The following MAGI2 variants were observed in gnomAD, a reference collection of about 807,000 sequenced individuals.
MAGI2 encodes membrane-associated guanylate kinase, WW and PDZ domain-containing protein 2.
In MAGI2, 35 loss-of-function variants were observed where a neutral mutation model predicts 133.3. That is an observed-to-expected ratio of 0.26 (90% CI 0.20 to 0.35). The LOEUF (loss-of-function observed/expected upper bound fraction) is 0.35. MAGI2 is among the 10% of genes least tolerant of loss of function. MAGI2 has a pLI of 1.00. For synonymous variants in MAGI2, 729 were observed against 710.6 expected, an observed-to-expected ratio of 1.03 and a Z score of -0.41; for missense variants, 1,636 against 1,863.4, an observed-to-expected ratio of 0.88 and a Z score of 2.25.
At chr7:79,132,628 A>G (rs1026048313) in intron 1 of MAGI2, among the ~76,000 whole-genome samples, 2 of 152,030 alleles carry the variant, frequency 1.3e-5, no homozygotes, top group African/African-American at 4.8e-5. Flanking sequence ...TTTTTTGTAT[A>G]ATAACTTCTT....
At chr7:78,531,742 T>A (rs1797490077) in intron 3 of MAGI2, among the ~76,000 whole-genome samples, 1 of 152,222 alleles carries the variant, frequency 6.6e-6, no homozygotes, top group Non-Finnish European at 1.5e-5. Context: ...CATTTATAGC[T>A]TGTCATATAA....
chr7:79,060,366 A>T (rs1813612357), intron 1 of MAGI2, among the ~76,000 whole-genome samples: 1 of 152,048 alleles, frequency 6.6e-6, no homozygotes, highest in Non-Finnish European at 1.5e-5. Context: ...TTAAAAAAAA[A>T]CTTGGTGTAA....
chr7:79,024,112 C>A (rs1467330843), intron 1 of MAGI2, among the ~76,000 whole-genome samples: 1 of 152,142 alleles, frequency 6.6e-6, no homozygotes, highest in Non-Finnish European at 1.5e-5. Flanking sequence ...ACCAAAACAG[C>A]ATGGTACTGA....
At chr7:78,788,259 T>C (rs115509891) in intron 2 of MAGI2, among the ~76,000 whole-genome samples, 1,549 of 152,328 alleles carry the variant, frequency 0.01, 25 homozygotes, top group African/African-American at 0.036. Context: ...ATCTTTTTTA[T>C]ATACTGAAAA....
chr7:78,219,343 T>C (rs1344355925), intron 10 of MAGI2, among the ~76,000 whole-genome samples: 1 of 152,170 alleles, frequency 6.6e-6, no homozygotes, highest in African/African-American at 2.4e-5. Flanking sequence ...TAAATGCATA[T>C]TGATTGAATG....
intron 2 of MAGI2, among the ~76,000 whole-genome samples, chr7:78,840,960 G>C (rs1472106850): frequency 6.6e-6 from 1 of 151,738 alleles, no homozygotes; most frequent in Non-Finnish European, 1.5e-5. Context: ...CATATCCTTT[G>C]AGACTTCGTT....
At chr7:78,202,699 A>AAAT (rs1006727011) in intron 10 of MAGI2, among the ~76,000 whole-genome samples, 1 of 151,302 alleles carries the variant, frequency 6.6e-6, no homozygotes, top group Non-Finnish European at 1.5e-5. Flanking sequence ...AAAAAAAAAA[A>AAAT]AAAAAAATTA....
At chr7:78,759,063 G>C (rs1412815467) in intron 2 of MAGI2, among the ~76,000 whole-genome samples, 3 of 152,056 alleles carry the variant, frequency 2.0e-5, no homozygotes, top group Non-Finnish European at 4.4e-5. Context: ...CATCCACAAA[G>C]TGATGACTTC....
chr7:78,188,602 G>A (rs975716065), intron 12 of MAGI2, among the ~76,000 whole-genome samples: 5 of 152,116 alleles, frequency 3.3e-5, no homozygotes, highest in Admixed American at 1.3e-4. Flanking sequence ...TTTCACTAAA[G>A]TAAGATTGTG....
chr7:79,240,592 CT>C (rs1266125840), intron 1 of MAGI2, among the ~76,000 whole-genome samples: 2 of 152,088 alleles, frequency 1.3e-5, no homozygotes, highest in Admixed American at 1.3e-4. Context: ...TCTTTCTCTG[CT>C]GTTCTTATCT....
chr7:78,101,192 G>T (rs1269326085), intron 20 of MAGI2, among the ~76,000 whole-genome samples: 1 of 152,136 alleles, frequency 6.6e-6, no homozygotes, highest in Admixed American at 6.5e-5. Context: ...CACAAAAATA[G>T]AAAAAGAAAA....
At chr7:78,957,791 A>G (rs1802514834) in intron 2 of MAGI2, among the ~76,000 whole-genome samples, 1 of 152,170 alleles carries the variant, frequency 6.6e-6, no homozygotes, top group Admixed American at 6.5e-5. Flanking sequence ...TGGCATTCCT[A>G]GAAACCCTGT....
At chr7:78,079,422 T>G (rs1456411339) in intron 20 of MAGI2, among the ~76,000 whole-genome samples, 1 of 152,256 alleles carries the variant, frequency 6.6e-6, no homozygotes, top group African/African-American at 2.4e-5. Context: ...CAAAATAACC[T>G]GGCATCTTTG....
chr7:79,176,280 A>G (rs1023485025), intron 1 of MAGI2, among the ~76,000 whole-genome samples: 1 of 151,852 alleles, frequency 6.6e-6, no homozygotes, highest in African/African-American at 2.4e-5. Context: ...TATTGCCCAC[A>G]TCCACTTACT....
chr7:78,428,350 T>C (rs1038289638), intron 6 of MAGI2, among the ~76,000 whole-genome samples: 3 of 152,202 alleles, frequency 2.0e-5, no homozygotes, highest in Non-Finnish European at 4.4e-5. Context: ...AGATAACATA[T>C]AAAATTTGTT....
chr7:78,327,006 T>G (rs1246445739), intron 9 of MAGI2, among the ~76,000 whole-genome samples: 1 of 152,206 alleles, frequency 6.6e-6, no homozygotes, highest in African/African-American at 2.4e-5. Context: ...GAATGGTAAC[T>G]GGCTGGCATC....
intron 1 of MAGI2, among the ~76,000 whole-genome samples, chr7:79,448,989 A>G (rs923297130): frequency 6.6e-6 from 1 of 152,186 alleles, no homozygotes; most frequent in Non-Finnish European, 1.5e-5. Flanking sequence ...CTTGTTCAAA[A>G]CATTAATGGT....
At chr7:78,368,995 G>A (rs554132586) in intron 7 of MAGI2, among the ~76,000 whole-genome samples, 161 bp downstream of exon 7, 5 of 152,098 alleles carry the variant, frequency 3.3e-5, no homozygotes, top group Admixed American at 2.6e-4. Context: ...CAGCTGGAGA[G>A]GAAAGAAACA....
intron 1 of MAGI2, among the ~76,000 whole-genome samples, chr7:79,246,990 G>A (rs1832871351): frequency 6.6e-6 from 1 of 152,088 alleles, no homozygotes; most frequent in African/African-American, 2.4e-5. Flanking sequence ...CCAGAATAGA[G>A]GGGCATGACA....
Sources: gnomAD v4.1 joint callset for allele counts (sites outside exome capture counted in the v4.1 genomes callset) on GRCh38, gnomAD v4.1.1 for gene constraint, MANE v1.5 for transcripts, NCBI Gene and HGNC (gene_info 2026-07-23, HGNC 2026-07-21) for gene names.